CTNNA3: variants seen among roughly 807,000 people sequenced by gnomAD.
The protein encoded by CTNNA3 is catenin alpha 3.
In CTNNA3, 76 loss-of-function variants were observed where a neutral mutation model predicts 95.7. That is an observed-to-expected ratio of 0.79 (90% CI 0.66 to 0.96). The LOEUF is 0.96. CTNNA3 is among the 40% of genes least tolerant of loss of function. The probability of loss-of-function intolerance (pLI) is 0.00; values close to 1 mark genes in which losing one functional copy is unlikely to be tolerated. For synonymous variants in CTNNA3, 431 were observed against 374.4 expected, an observed-to-expected ratio of 1.15 and a Z score of -1.74; for missense variants, 1,191 against 1,089.8, an observed-to-expected ratio of 1.09 and a Z score of -1.31.
At chr10:67,424,562 C>T (rs991090041) in intron 5 of CTNNA3, among the ~76,000 whole-genome samples, 2 of 152,022 alleles carry the variant, frequency 1.3e-5, no homozygotes, top group Admixed American at 1.3e-4. Flanking sequence ...GATTATATAA[C>T]ATTTGCTAAG....
intron 7 of CTNNA3, among the ~76,000 whole-genome samples, chr10:67,092,265 G>A (rs538884692): frequency 1.3e-5 from 2 of 151,984 alleles, no homozygotes; most frequent in East Asian, 3.9e-4. Flanking sequence ...GATTTCCCCT[G>A]TGATATATGA....
chr10:66,130,019 G>A (rs557573932), intron 13 of CTNNA3, among the ~76,000 whole-genome samples: 1 of 152,198 alleles, frequency 6.6e-6, no homozygotes, highest in African/African-American at 2.4e-5. Flanking sequence ...CATGAAACCT[G>A]CCTGCTTCAC....
Position 67,643,466 on chromosome 10 carries a change from T to G in CTNNA3, c.99+3949A>C, listed in dbSNP as rs568743603. Among the ~76,000 whole-genome samples the G allele has an allele frequency of 1.3e-3, 199 of 152,220 alleles. 1 individual carries two copies. The highest frequency in any genetic ancestry group is 1.3e-3 in the Non-Finnish European group (88 of 67,998). The stretch of plus-strand genomic sequence containing the variant: ...ACATCCTGCACATGTACTCCTGAAC[T>G]TAAAATAAAAGTTGATGAAAAATAA... On this transcript the variant is annotated intron_variant, in intron 2 of 17. Coordinates refer to ENST00000433211, the MANE Select transcript of CTNNA3 (RefSeq NM_013266.4).
At position 67,294,855 on chromosome 10, in the gene CTNNA3, G is replaced by A. The variant is rs116143423; in HGVS notation, c.580-74985C>T. Among the ~76,000 whole-genome samples, 624 of 152,280 alleles carry A rather than the reference G, an allele frequency of 4.1e-3. 2 individuals carry two copies. The highest frequency in any genetic ancestry group is 0.02 in the Middle Eastern group (6 of 294). ...GACTGAGGTGTTGTGATTATTTACA[G>A]CCCTAATTTTTGTTCAGTAATTGGT... is the stretch of plus-strand genomic sequence containing the variant. On this transcript the variant is annotated intron_variant, in intron 5 of 17. Transcript: ENST00000433211.
intron 5 of CTNNA3, among the ~76,000 whole-genome samples, chr10:67,286,054 G>A (rs759949602): frequency 1.3e-5 from 2 of 152,170 alleles, no homozygotes; most frequent in Non-Finnish European, 2.9e-5. Context: ...GCCAAACAAA[G>A]AGTGTATTTT....
chr10:67,449,543 A>T (rs535627748), intron 5 of CTNNA3, among the ~76,000 whole-genome samples: 34 of 152,324 alleles, frequency 2.2e-4, no homozygotes, highest in African/African-American at 8.2e-4. Flanking sequence ...AAATCTGACA[A>T]AAACAAGCAA....
At chr10:66,122,536 C>T (rs2082627401) in intron 13 of CTNNA3, among the ~76,000 whole-genome samples, 1 of 152,030 alleles carries the variant, frequency 6.6e-6, no homozygotes, top group African/African-American at 2.4e-5. Context: ...TACAGCCAAG[C>T]ATATTATATT....
intron 13 of CTNNA3, among the ~76,000 whole-genome samples, chr10:66,106,605 T>C (rs2081923099): frequency 6.6e-6 from 1 of 152,132 alleles, no homozygotes; most frequent in African/African-American, 2.4e-5. Context: ...TACACTAAGA[T>C]GCTTTGGGTA....
intron 9 of CTNNA3, among the ~76,000 whole-genome samples, chr10:66,700,307 T>C (rs2132567916): frequency 6.6e-6 from 1 of 152,300 alleles, no homozygotes; most frequent in East Asian, 1.9e-4. Flanking sequence ...ACTTAATTTT[T>C]ATATATGGTG....
intron 12 of CTNNA3, among the ~76,000 whole-genome samples, chr10:66,367,839 A>G (rs1294971695): frequency 1.4e-5 from 2 of 146,154 alleles, no homozygotes; most frequent in African/African-American, 2.5e-5. Context: ...GCATCTTTTT[A>G]AGGCTTCTTT....
intron 12 of CTNNA3, among the ~76,000 whole-genome samples, chr10:66,363,584 T>C (rs1589143779): frequency 6.6e-6 from 1 of 152,266 alleles, no homozygotes. Context: ...ATTTAATTTG[T>C]TATAGCAGCC....
intron 4 of CTNNA3, among the ~76,000 whole-genome samples, chr10:67,524,321 C>A (rs562665571): frequency 1.5e-4 from 22 of 149,786 alleles, no homozygotes; most frequent in Non-Finnish European, 2.8e-4. Flanking sequence ...TGGCGTGAAC[C>A]CGGCAGGCGG....
chr10:66,439,769 C>G (rs908237355), intron 11 of CTNNA3, among the ~76,000 whole-genome samples: 2 of 151,952 alleles, frequency 1.3e-5, no homozygotes, highest in African/African-American at 4.8e-5. Context: ...ACGAGTTCAT[C>G]AATATGTTAC....
Position 67,301,772 on chromosome 10 carries a change from TC to T in CTNNA3, c.580-81903del, listed in dbSNP as rs1391331894. Among the ~76,000 whole-genome samples the T allele has an allele frequency of 2.0e-5, 3 of 151,984 alleles. No homozygotes were observed. In the East Asian group the frequency reaches 5.8e-4, roughly 30 times the overall value. Reference sequence around the variant, plus strand: ...TCACGAGGTCAGGAGATGGAGACCATCCTGGCTAACACGGTGAAACCCCGTC... The same window carrying T: ...TCACGAGGTCAGGAGATGGAGACCATCTGGCTAACACGGTGAAACCCCGTC... On this transcript the variant is annotated intron_variant, in intron 5 of 17. Transcript: ENST00000433211.
intron 7 of CTNNA3, among the ~76,000 whole-genome samples, chr10:66,803,669 T>G (rs996178539): frequency 1.3e-5 from 2 of 152,046 alleles, no homozygotes; most frequent in Non-Finnish European, 2.9e-5. Context: ...ATTTTCACCA[T>G]AATCCCCATT....
In CTNNA3 at chr10:67,669,085, G is replaced by A. The variant is rs534460804; in HGVS notation, c.-5-21567C>T. Among the ~76,000 whole-genome samples, 17 of 152,002 alleles carry A rather than the reference G, an allele frequency of 1.1e-4. No individual in the cohort carries two copies. The South Asian group carries it at 2.3e-3, about 20-fold the overall frequency. On this transcript the variant is annotated intron_variant, in intron 1 of 17. Transcript: ENST00000433211. ...GAACTCCTGACCTTGTGATCTGCCC[G>A]CCTCGGCCTCCCAAAGGGCCTATTG... is the stretch of plus-strand genomic sequence containing the variant.
At chr10:66,694,082 G>C (rs1332134472) in intron 9 of CTNNA3, among the ~76,000 whole-genome samples, 2 of 152,090 alleles carry the variant, frequency 1.3e-5, no homozygotes, top group Non-Finnish European at 1.5e-5. Context: ...ACATTCAAAA[G>C]CTAGCAGAAG....
chr10:66,371,063 A>G (rs528395737), intron 12 of CTNNA3, among the ~76,000 whole-genome samples: 2 of 152,276 alleles, frequency 1.3e-5, no homozygotes, highest in South Asian at 4.1e-4. Flanking sequence ...ATGCTGTTAC[A>G]AAGAATGTCT....
intron 14 of CTNNA3, among the ~76,000 whole-genome samples, chr10:66,092,447 C>G (rs1423463706): frequency 6.6e-6 from 1 of 151,888 alleles, no homozygotes; most frequent in Non-Finnish European, 1.5e-5. Flanking sequence ...ACCAGGCCTC[C>G]CTTTTAGTTT....
Sources: gnomAD v4.1 joint callset for allele counts (sites outside exome capture counted in the v4.1 genomes callset) on GRCh38, gnomAD v4.1.1 for gene constraint, MANE v1.5 for transcripts, NCBI Gene and HGNC (gene_info 2026-07-23, HGNC 2026-07-21) for gene names.